Variants in PATJ observed in about 807,000 individuals in gnomAD.
The protein encoded by PATJ is PATJ crumbs cell polarity complex component, also known as inaD-like protein.
In PATJ, 190 loss-of-function variants were observed where a neutral mutation model predicts 224.9. That is an observed-to-expected ratio of 0.84 (90% CI 0.75 to 0.95). PATJ has a LOEUF of 0.95. Among genes scored for constraint, PATJ ranks in the 40% least tolerant of loss-of-function variants. The probability of loss-of-function intolerance (pLI) is 0.00; values close to 1 mark genes in which losing one functional copy is unlikely to be tolerated. For missense variants in PATJ, 2,121 were observed against 2,270.3 expected, an observed-to-expected ratio of 0.93 and a Z score of 1.34; for synonymous variants, 769 against 820.3, an observed-to-expected ratio of 0.94 and a Z score of 1.07.
At chr1:61,959,653 G>A (rs1557945805) in intron 27 of PATJ, among the ~76,000 whole-genome samples, 3 of 151,644 alleles carry the variant, frequency 2.0e-5, no homozygotes, top group Non-Finnish European at 2.9e-5. Flanking sequence ...GGTTGCCCAG[G>A]CTGGTCTCAA....
At chr1:61,896,946 C>T (rs1196486234) in intron 22 of PATJ, among the ~76,000 whole-genome samples, 1 of 152,160 alleles carries the variant, frequency 6.6e-6, no homozygotes, top group Non-Finnish European at 1.5e-5. Flanking sequence ...TACCCAGTCT[C>T]AGGTAGTATC....
intron 31 of PATJ, among the ~76,000 whole-genome samples, chr1:62,064,117 A>G (rs1046032392): frequency 2.0e-5 from 3 of 152,084 alleles, no homozygotes; most frequent in African/African-American, 7.2e-5. Context: ...TACACAATCA[A>G]TATGTTGGCT....
intron 27 of PATJ, among the ~76,000 whole-genome samples, chr1:61,968,503 G>A (rs1682486651): frequency 6.6e-6 from 1 of 151,966 alleles, no homozygotes; most frequent in Non-Finnish European, 1.5e-5. Context: ...TTAGATTGTT[G>A]TAAACTAGTT....
chr1:62,069,489 AATTTTC>A (rs1291593826), intron 31 of PATJ, among the ~76,000 whole-genome samples: 1 of 152,194 alleles, frequency 6.6e-6, no homozygotes, highest in Non-Finnish European at 1.5e-5. Flanking sequence ...TAGCTGTCAT[AATTTTC>A]ATCATCATCA....
intron 12 of PATJ, among the ~76,000 whole-genome samples, chr1:61,801,991 G>C (rs978361340): frequency 6.7e-6 from 1 of 149,596 alleles, no homozygotes; most frequent in African/African-American, 2.5e-5. Context: ...CAACGTGCAG[G>C]TTTGTTACAT....
intron 31 of PATJ, among the ~76,000 whole-genome samples, chr1:62,056,874 T>G (rs970634014): frequency 6.6e-6 from 1 of 152,086 alleles, no homozygotes. Flanking sequence ...TGGGCTGGAG[T>G]GCAGTGGCGC....
chr1:61,967,717 T>C (rs1454841711), intron 27 of PATJ, among the ~76,000 whole-genome samples: 1 of 152,220 alleles, frequency 6.6e-6, no homozygotes, highest in African/African-American at 2.4e-5. Context: ...TTATTAGAAA[T>C]TTGGGTTTAG....
intron 27 of PATJ, among the ~76,000 whole-genome samples, chr1:61,977,985 A>G (rs1644235700): frequency 6.6e-6 from 1 of 151,954 alleles, no homozygotes; most frequent in African/African-American, 2.4e-5. Flanking sequence ...ATTTTCACAA[A>G]GAACATATTC....
In PATJ at chr1:61,868,213, A is replaced by C. The variant is rs1320975569; in HGVS notation, c.2835+3580A>C. On this transcript the variant is annotated intron_variant, in intron 20 of 43. Coordinates refer to ENST00000642238, the MANE Select transcript of PATJ (RefSeq NM_001350145.3). Reference sequence around the variant, plus strand: ...TATATAGTTCAGTGGCATTAAGTACATGTACATTTTTGTGTAAACATGGCC... The same window carrying C: ...TATATAGTTCAGTGGCATTAAGTACCTGTACATTTTTGTGTAAACATGGCC... Among the ~76,000 whole-genome samples, 3 of 152,184 alleles carry C rather than the reference A, an allele frequency of 2.0e-5. No homozygotes were observed. The East Asian group carries it at 5.8e-4, about 29-fold the overall frequency.
intron 43 of PATJ, among the ~76,000 whole-genome samples, chr1:62,154,934 C>T (rs1669024987): frequency 6.6e-6 from 1 of 152,158 alleles, no homozygotes; most frequent in African/African-American, 2.4e-5. Flanking sequence ...CCCAAACAAC[C>T]TGTTAAACTG....
In PATJ at chr1:61,952,989, G is replaced by T. The variant is rs534220621; in HGVS notation, c.3670+25160G>T. Among the ~76,000 whole-genome samples, 70 of 152,270 alleles carry T rather than the reference G, an allele frequency of 4.6e-4. 2 individuals carry two copies. In the South Asian group the frequency reaches 0.012, roughly 26 times the overall value. ...ACATTAATTATTTTATTTGCTAGTTGTGTTTGGTGCCTCATTCATCTAAAT... is the reference window on the plus strand; with the variant it reads ...ACATTAATTATTTTATTTGCTAGTTTTGTTTGGTGCCTCATTCATCTAAAT... On this transcript the variant is annotated intron_variant, in intron 27 of 43. Coordinates refer to ENST00000642238, the MANE Select transcript of PATJ (RefSeq NM_001350145.3).
chr1:61,953,814 A>C (rs1220860388), intron 27 of PATJ, among the ~76,000 whole-genome samples: 2 of 152,192 alleles, frequency 1.3e-5, no homozygotes, highest in Non-Finnish European at 2.9e-5. Flanking sequence ...ATTATAATAC[A>C]TGTATGCTTT....
intron 26 of PATJ, among the ~76,000 whole-genome samples, chr1:61,924,116 A>G (rs188073703): frequency 1.9e-4 from 29 of 152,180 alleles, no homozygotes; most frequent in Admixed American, 1.9e-3. Context: ...CATGCCTGTA[A>G]TCCCAGCACT....
chr1:61,812,887 C>T (rs1268667406), intron 14 of PATJ, among the ~76,000 whole-genome samples: 2 of 151,952 alleles, frequency 1.3e-5, no homozygotes, highest in African/African-American at 2.4e-5. Flanking sequence ...GGGTAATCCA[C>T]GAAAGACCCT....
intron 20 of PATJ, among the ~76,000 whole-genome samples, chr1:61,869,998 G>A (rs1327707831): frequency 6.6e-6 from 1 of 152,210 alleles, no homozygotes; most frequent in Non-Finnish European, 1.5e-5. Flanking sequence ...GCCATCTGCG[G>A]ACGGCTTAAG....
chr1:62,135,799 G>A (rs1362089694), intron 41 of PATJ, among the ~76,000 whole-genome samples: 1 of 152,232 alleles, frequency 6.6e-6, no homozygotes, highest in East Asian at 1.9e-4. Context: ...ACAGGATGTT[G>A]CAAATGATAA....
intron 31 of PATJ, among the ~76,000 whole-genome samples, chr1:62,061,522 G>T (rs1286949700): frequency 6.6e-6 from 1 of 151,942 alleles, no homozygotes; most frequent in Non-Finnish European, 1.5e-5. Flanking sequence ...CCAGTGTTTA[G>T]CTCCCACTTA....
In PATJ at chr1:62,013,974, A is replaced by G. The variant is rs1477856701; in HGVS notation, c.3868-3882A>G. ...TTTTTAGTAGAGACAGGGTTTCGCC[A>G]TGTTGGCCAGGCTGGTCTTGAGTTC... On this transcript the variant is annotated intron_variant, in intron 28 of 43. Coordinates refer to ENST00000642238, the MANE Select transcript of PATJ (RefSeq NM_001350145.3). Among the ~76,000 whole-genome samples the G allele has an allele frequency of 3.3e-5, 5 of 152,190 alleles. No homozygotes were observed. The South Asian group carries it at 6.2e-4, about 19-fold the overall frequency.
At chr1:61,824,688 G>A (rs564444847) in intron 15 of PATJ, among the ~76,000 whole-genome samples, 21 of 152,208 alleles carry the variant, frequency 1.4e-4, no homozygotes, top group Admixed American at 1.4e-3. Flanking sequence ...GCCTCCCAAA[G>A]TACTGGAATT....
Sources: allele counts gnomAD v4.1 joint callset (sites outside exome capture counted in the v4.1 genomes callset), GRCh38; gene constraint gnomAD v4.1.1; transcripts MANE v1.5; gene names NCBI Gene and HGNC (gene_info 2026-07-23, HGNC 2026-07-21).